IL1RAPL1: variants seen among roughly 807,000 people sequenced by gnomAD.
IL1RAPL1 encodes interleukin-1 receptor accessory protein-like 1.
In IL1RAPL1, 3 loss-of-function variants were observed where a neutral mutation model predicts 48.4. The observed-to-expected ratio is 0.06, with a 90% confidence interval of 0.03 to 0.16. The LOEUF (loss-of-function observed/expected upper bound fraction) is 0.16. IL1RAPL1 is among the 10% of genes least tolerant of loss of function. IL1RAPL1 has a pLI of 1.00. For synonymous variants in IL1RAPL1, 185 were observed against 187.7 expected, an observed-to-expected ratio of 0.99 and a Z score of 0.12; for missense variants, 349 against 530.6, an observed-to-expected ratio of 0.66 and a Z score of 3.36.
In IL1RAPL1 at chrX:29,641,483, C is replaced by T. The variant is rs940911434; in HGVS notation, c.704-26947C>T. Among the ~76,000 whole-genome samples the T allele has an allele frequency of 4.4e-5, 5 of 112,506 alleles. No homozygotes were observed. The Admixed American group carries it at 4.7e-4, about 11-fold the overall frequency. ...TCTTTTCATTTAAAGCCCATGCCCA[C>T]TCAAAGGCCATATCTCCTTGTCAGT... On this transcript the variant is annotated intron_variant, in intron 5 of 10. Coordinates refer to ENST00000378993, the MANE Select transcript of IL1RAPL1 (RefSeq NM_014271.4).
At chrX:29,370,629 T>A (rs1051623366) in intron 3 of IL1RAPL1, among the ~76,000 whole-genome samples, 14 of 110,944 alleles carry the variant, frequency 1.3e-4, no homozygotes, top group Middle Eastern at 4.7e-3. Context: ...CTACCTAGTT[T>A]CAAATATTAT....
chrX:29,104,470 T>G (rs764105824), intron 2 of IL1RAPL1, among the ~76,000 whole-genome samples: 5 of 110,391 alleles, frequency 4.5e-5, no homozygotes, highest in Non-Finnish European at 9.5e-5. Flanking sequence ...TTACCAGATA[T>G]GAGAAAGGGT....
intron 2 of IL1RAPL1, among the ~76,000 whole-genome samples, chrX:28,823,618 G>A (rs776731793): frequency 9.0e-6 from 1 of 111,588 alleles, no homozygotes; most frequent in African/African-American, 3.3e-5. Flanking sequence ...GGGTATATGG[G>A]TTAAAATTAA....
At chrX:28,870,107 C>T (rs1465259457) in intron 2 of IL1RAPL1, among the ~76,000 whole-genome samples, 1 of 111,182 alleles carries the variant, frequency 9.0e-6, no homozygotes, top group East Asian at 2.8e-4. Context: ...CATATTATGC[C>T]ATATTATGGA....
At chrX:29,449,799 A>AGAGAGAG (rs1569313917) in intron 5 of IL1RAPL1, among the ~76,000 whole-genome samples, 3 of 105,666 alleles carry the variant, frequency 2.8e-5, no homozygotes, top group Admixed American at 1.0e-4. Flanking sequence ...AGAGAGAGAG[A>AGAGAGAG]ATATAAGGAA....
intron 6 of IL1RAPL1, among the ~76,000 whole-genome samples, chrX:29,866,520 G>T (rs530936164): frequency 1.0e-4 from 11 of 110,114 alleles, no homozygotes; most frequent in Admixed American, 8.8e-4. Context: ...GGTCTTCTGT[G>T]CACGGGACAA....
intron 6 of IL1RAPL1, among the ~76,000 whole-genome samples, chrX:29,791,008 T>A (rs1167241583): frequency 9.0e-6 from 1 of 110,677 alleles, no homozygotes; most frequent in African/African-American, 3.3e-5. Context: ...GAACCTTGAC[T>A]CTTGGTCATC....
chrX:28,876,183 G>A (rs1323502915), intron 2 of IL1RAPL1, among the ~76,000 whole-genome samples: 2 of 111,582 alleles, frequency 1.8e-5, no homozygotes, highest in East Asian at 2.8e-4. Flanking sequence ...GGACTAAGAC[G>A]GGACATGGGC....
At chrX:29,744,394 A>G (rs1928279984) in intron 6 of IL1RAPL1, among the ~76,000 whole-genome samples, 1 of 112,202 alleles carries the variant, frequency 8.9e-6, no homozygotes, top group Non-Finnish European at 1.9e-5. Context: ...AATATCTGCC[A>G]TTACTCTCTC....
chrX:29,944,904 G>A (rs1311829162), intron 9 of IL1RAPL1, among the ~76,000 whole-genome samples: 2 of 109,624 alleles, frequency 1.8e-5, no homozygotes, highest in African/African-American at 6.7e-5. Flanking sequence ...ATTCTTACCT[G>A]TGTTTCTAGT....
chrX:29,437,885 G>A (rs1023595473), intron 5 of IL1RAPL1, among the ~76,000 whole-genome samples: 1 of 110,490 alleles, frequency 9.1e-6, no homozygotes, highest in Non-Finnish European at 1.9e-5. Flanking sequence ...ATTAATACTA[G>A]CTTCATAAAA....
At chrX:29,508,212 A>T (rs1192605477) in intron 5 of IL1RAPL1, among the ~76,000 whole-genome samples, 3 of 111,560 alleles carry the variant, frequency 2.7e-5, no homozygotes, top group Non-Finnish European at 1.9e-5. Flanking sequence ...CACATGAAAT[A>T]AGTGGATTCC....
At chrX:28,832,291 C>T (rs1406198730) in intron 2 of IL1RAPL1, among the ~76,000 whole-genome samples, 1 of 110,078 alleles carries the variant, frequency 9.1e-6, no homozygotes, top group Non-Finnish European at 1.9e-5. Context: ...TCACTATTCT[C>T]CTCTCTACTT....
intron 2 of IL1RAPL1, among the ~76,000 whole-genome samples, chrX:28,966,579 G>C (rs1271644778): frequency 2.7e-5 from 3 of 111,670 alleles, no homozygotes; most frequent in Non-Finnish European, 5.7e-5. Flanking sequence ...ACACAGGAGC[G>C]ATTTTAAAGC....
chrX:29,946,947 A>G (rs1174767556), intron 9 of IL1RAPL1, among the ~76,000 whole-genome samples: 1 of 112,227 alleles, frequency 8.9e-6, no homozygotes, highest in African/African-American at 3.2e-5. Context: ...TCCAAGACCC[A>G]TTGTACACAG....
In IL1RAPL1 at chrX:29,315,692, G is replaced by T. The variant is rs1233554263; in HGVS notation, c.362+32475G>T. Among the ~76,000 whole-genome samples the T allele has an allele frequency of 7.2e-5, 8 of 111,653 alleles. No homozygotes were observed. The Admixed American group carries it at 7.7e-4, about 11-fold the overall frequency. ...ATTCTGGAAACAAGGAGTCAGTAGAGGTTACAGAAGGTAATTTTAGCAGCA... is the reference window on the plus strand; with the variant it reads ...ATTCTGGAAACAAGGAGTCAGTAGATGTTACAGAAGGTAATTTTAGCAGCA... On this transcript the variant is annotated intron_variant, in intron 3 of 10. Transcript: ENST00000378993.
chrX:29,604,764 A>T (rs753863869), intron 5 of IL1RAPL1, among the ~76,000 whole-genome samples: 4 of 111,617 alleles, frequency 3.6e-5, no homozygotes, highest in African/African-American at 1.3e-4. Context: ...TGGAATAGAA[A>T]GTGCTTTTTT....
chrX:29,156,900 A>G lies in IL1RAPL1; in HGVS notation c.83-126038A>G, dbSNP rs192438307. On this transcript the variant is annotated intron_variant, in intron 2 of 10. Coordinates refer to ENST00000378993, the MANE Select transcript of IL1RAPL1 (RefSeq NM_014271.4). ...TTTTAACACAGGTCGAAGGGTTTTG[A>G]TAGCCTTTTACCCAAAATAATTACA... Among the ~76,000 whole-genome samples the G allele has an allele frequency of 8.9e-5, 10 of 111,995 alleles. No individual in the cohort carries two copies. The East Asian group carries it at 2.5e-3, about 28-fold the overall frequency.
At position 29,428,392 on chromosome X, in the gene IL1RAPL1, A is replaced by C. The variant is rs142106816; in HGVS notation, c.703+29084A>C. Among the ~76,000 whole-genome samples the C allele has an allele frequency of 9.2e-3, 1,029 of 111,513 alleles. 14 individuals carry two copies. Among genetic ancestry groups the C allele is most frequent in the Non-Finnish European group, 0.015 (794 of 53,159 alleles). ...TCTTAAATATAAAGCATTAAATGAC[A>C]TTAATCTAGATGTTCCGCTATGACT... On this transcript the variant is annotated intron_variant, in intron 5 of 10. Transcript: ENST00000378993.
Sources: allele counts gnomAD v4.1 joint callset (sites outside exome capture counted in the v4.1 genomes callset), GRCh38; gene constraint gnomAD v4.1.1; transcripts MANE v1.5; gene names NCBI Gene and HGNC (gene_info 2026-07-23, HGNC 2026-07-21).